The following AUTS2 variants were observed in gnomAD, a reference collection of about 807,000 sequenced individuals.
AUTS2 encodes the protein autism susceptibility gene 2 protein.
AUTS2 carries 17 observed loss-of-function variants against 112.4 expected under a neutral mutation model. The ratio of observed to expected loss-of-function variants is 0.15; its 90% confidence interval spans 0.10 to 0.23. The LOEUF (loss-of-function observed/expected upper bound fraction) is 0.23, where lower values mean the gene tolerates loss of function less well. Among genes scored for constraint, AUTS2 ranks in the 10% least tolerant of loss-of-function variants. AUTS2 has a pLI of 1.00. For missense variants in AUTS2, 1,510 were observed against 1,701.6 expected (o/e 0.89, Z 1.98); for synonymous variants, 751 against 702.7 (o/e 1.07, Z -1.09).
At chr7:70,703,319 ACCT>A (rs1178341488) in intron 6 of AUTS2, among the ~76,000 whole-genome samples, 1 of 151,996 alleles carries the variant, frequency 6.6e-6, no homozygotes, top group African/African-American at 2.4e-5. Flanking sequence ...ATATAGCAAG[ACCT>A]CATCTCTACT....
rs575028133 is a variant in AUTS2 at position 70,268,668 on chromosome 7, T to C, written c.660+134097T>C. Among the ~76,000 whole-genome samples the C allele has an allele frequency of 2.0e-5, 3 of 152,356 alleles. No homozygotes were observed. The South Asian group carries it at 6.2e-4, about 32-fold the overall frequency. ...AAACTACATAGTTTAATTAGTGTTT[T>C]CTAATAACTTACAAATCCTTAGAGA... On this transcript the variant is annotated intron_variant, in intron 4 of 18. Transcript: ENST00000342771.
chr7:70,295,960 A>G (rs1041147422), intron 4 of AUTS2, among the ~76,000 whole-genome samples: 23 of 152,238 alleles, frequency 1.5e-4, no homozygotes, highest in African/African-American at 5.1e-4. Flanking sequence ...TGTATACATT[A>G]TTGATAACTT....
chr7:70,356,774 C>A (rs1343452603), intron 4 of AUTS2, among the ~76,000 whole-genome samples: 2 of 150,538 alleles, frequency 1.3e-5, no homozygotes, highest in African/African-American at 4.9e-5. Flanking sequence ...ACCTTATGTG[C>A]TGGAAAATGC....
At chr7:69,796,501 C>A (rs1031534948) in intron 1 of AUTS2, among the ~76,000 whole-genome samples, 1 of 145,730 alleles carries the variant, frequency 6.9e-6, no homozygotes, top group African/African-American at 2.6e-5. Flanking sequence ...CCAGCCTAGG[C>A]GACAGAGTGA....
At chr7:70,495,681 CACACCACGTA>C (rs1798435552) in intron 5 of AUTS2, among the ~76,000 whole-genome samples, 1 of 87,514 alleles carries the variant, frequency 1.1e-5, no homozygotes. Flanking sequence ...CCCACTCACA[CACACCACGTA>C]CACAGTCACA....
In AUTS2 at chr7:70,482,322, C is replaced by T. The variant is rs1231502997; in HGVS notation, c.690+46541C>T. On this transcript the variant is annotated intron_variant, in intron 5 of 18. Coordinates refer to ENST00000342771, the MANE Select transcript of AUTS2 (RefSeq NM_015570.4). ...CCTCCTCCTGTACTCTCTGTGGCTT[C>T]CTCGTCTTATTAGCCCCCATCACAC... Among the ~76,000 whole-genome samples, 6 of 152,250 alleles carry T rather than the reference C, an allele frequency of 3.9e-5. No homozygotes were observed. In the South Asian group the frequency reaches 1.2e-3, roughly 32 times the overall value.
chr7:70,473,464 A>AATCTGGTT (rs1797466200), intron 5 of AUTS2, among the ~76,000 whole-genome samples: 1 of 152,158 alleles, frequency 6.6e-6, no homozygotes, highest in Admixed American at 6.5e-5. Flanking sequence ...GTTCAGCATG[A>AATCTGGTT]ATCTGGTTTT....
chr7:70,579,167 A>C (rs1465708842), intron 5 of AUTS2, among the ~76,000 whole-genome samples: 3 of 145,714 alleles, frequency 2.1e-5, no homozygotes, highest in African/African-American at 7.6e-5. Flanking sequence ...GAGCTAAAGC[A>C]ATCCACCCAT....
intron 4 of AUTS2, among the ~76,000 whole-genome samples, chr7:70,360,715 T>C (rs1792221455): frequency 6.6e-6 from 1 of 152,118 alleles, no homozygotes; most frequent in South Asian, 2.1e-4. Flanking sequence ...GCTAGTGAGA[T>C]AAAACAGGGA....
At chr7:70,545,731 C>A (rs1433708478) in intron 5 of AUTS2, among the ~76,000 whole-genome samples, 1 of 152,212 alleles carries the variant, frequency 6.6e-6, no homozygotes, top group African/African-American at 2.4e-5. Flanking sequence ...GAGGAGTCAC[C>A]TCTGTCCCTC....
At chr7:70,167,691 A>G (rs1808456685) in intron 4 of AUTS2, among the ~76,000 whole-genome samples, 1 of 152,230 alleles carries the variant, frequency 6.6e-6, no homozygotes, top group Non-Finnish European at 1.5e-5. Context: ...GTGTAAAAGC[A>G]TTGAAATGAT....
chr7:69,946,468 T>G (rs1796813594), intron 2 of AUTS2, among the ~76,000 whole-genome samples: 1 of 152,128 alleles, frequency 6.6e-6, no homozygotes, highest in African/African-American at 2.4e-5. Context: ...ACTACCATGT[T>G]CATTATGGCA....
At chr7:70,511,986 A>C (rs1799215443) in intron 5 of AUTS2, among the ~76,000 whole-genome samples, 1 of 152,246 alleles carries the variant, frequency 6.6e-6, no homozygotes, top group African/African-American at 2.4e-5. Context: ...TCATGAGCTT[A>C]TAAATGACAA....
At chr7:69,639,593 A>C (rs150116258) in intron 1 of AUTS2, among the ~76,000 whole-genome samples, 1 of 152,180 alleles carries the variant, frequency 6.6e-6, no homozygotes, top group African/African-American at 2.4e-5. Context: ...CATGTGGTCT[A>C]CCCTGTCTTT....
At position 69,809,377 on chromosome 7, in the gene AUTS2, C is replaced by T. The variant is rs577114692; in HGVS notation, c.310-89909C>T. Reference sequence around the variant, plus strand: ...ACAGGCGTGAGCCACCACGCCTGGCCGATCATAGACATCATTTTCTTACCT... The same window carrying T: ...ACAGGCGTGAGCCACCACGCCTGGCTGATCATAGACATCATTTTCTTACCT... On this transcript the variant is annotated intron_variant, in intron 1 of 18. Transcript: ENST00000342771. Among the ~76,000 whole-genome samples, 13 of 152,292 alleles carry T rather than the reference C, an allele frequency of 8.5e-5. No individual in the cohort carries two copies. In the East Asian group the frequency reaches 1.2e-3, roughly 14 times the overall value.
intron 1 of AUTS2, among the ~76,000 whole-genome samples, chr7:69,714,712 T>C (rs1200683416): frequency 6.6e-6 from 1 of 152,160 alleles, no homozygotes; most frequent in African/African-American, 2.4e-5. Context: ...TCCATAGAAA[T>C]TTTAGAATCA....
chr7:70,159,276 A>G (rs1431408617), intron 4 of AUTS2, among the ~76,000 whole-genome samples: 1 of 152,218 alleles, frequency 6.6e-6, no homozygotes, highest in African/African-American at 2.4e-5. Context: ...CCTCTCTGCT[A>G]GCTCATGAGA....
intron 4 of AUTS2, among the ~76,000 whole-genome samples, chr7:70,419,827 ATC>A (rs1795141356): frequency 6.6e-6 from 1 of 152,226 alleles, no homozygotes; most frequent in African/African-American, 2.4e-5. Flanking sequence ...AGAGAAATAT[ATC>A]TCTTTTTAAT....
chr7:70,097,435 G>A (rs1434169403), intron 2 of AUTS2, among the ~76,000 whole-genome samples: 1 of 152,170 alleles, frequency 6.6e-6, no homozygotes, highest in Non-Finnish European at 1.5e-5. Flanking sequence ...ATGTGCATGT[G>A]TGTATGCATA....
Sources: gnomAD v4.1 joint callset for allele counts (sites outside exome capture counted in the v4.1 genomes callset) on GRCh38, gnomAD v4.1.1 for gene constraint, MANE v1.5 for transcripts, NCBI Gene and HGNC (gene_info 2026-07-23, HGNC 2026-07-21) for gene names.